Variants in COBLL1 observed in about 807,000 individuals in gnomAD.
COBLL1 encodes the protein cordon-bleu protein-like 1.
Under a neutral mutation model 94.8 loss-of-function variants are expected in COBLL1, and 50 were observed. The observed-to-expected ratio is 0.53, with a 90% CI of 0.42 to 0.67. The LOEUF is 0.67. Ranked by LOEUF, COBLL1 falls within the 30% of genes least tolerant of loss-of-function variation. The pLI is 0.00. For missense variants in COBLL1, 1,362 were observed against 1,348.7 expected (o/e 1.01, Z -0.15); for synonymous variants, 448 against 473.8 (o/e 0.95, Z 0.71).
In COBLL1 at chr2:164,680,241, G is replaced by T. The variant is rs1156910833; in HGVS notation, c.*5705C>A. The T allele has an allele frequency of 6.6e-6, 1 of 151,904 alleles. No homozygotes were observed. The highest frequency in any genetic ancestry group is 2.4e-5 in the African/African-American group (1 of 41,338). The allele number at this position is 151,904 out of a possible 1,614,324, so 9.4% of individuals were successfully genotyped here. A position where few individuals can be genotyped will look rare whatever the true frequency, so the allele number is the denominator to read the frequency against. ...ACTTTATTATAATTTCAAACATGCA[G>T]ACAAGTTAAAAATCATGTACAATAT... On this transcript the variant is annotated 3_prime_UTR_variant, in exon 14 of 14. Transcript: ENST00000652658.
At chr2:164,687,309 T>TC (rs1683350171) in intron 13 of COBLL1, 1 of 640,874 alleles carries the variant, frequency 1.6e-6, no homozygotes, top group East Asian at 2.7e-5. Flanking sequence ...CCGGCACTTG[T>TC]CCACAGGGCC....
chr2:164,728,144 TCTCA>T lies in COBLL1; in HGVS notation c.482_485del (p.Val161GlufsTer2). On this transcript the variant is annotated frameshift_variant, in exon 5 of 14. Transcript: ENST00000652658. LOFTEE classifies it high-confidence loss of function. The stretch of plus-strand genomic sequence containing the variant: ...CTTGAAGCGATGCATGTGGACTCAC[TCTCA>T]CTATGGTCTTCTGTGTTTTCTTAAA... 1 of 1,613,814 alleles carries T rather than the reference TCTCA, an allele frequency of 6.2e-7. No individual in the cohort carries two copies. The highest frequency in any genetic ancestry group is 8.5e-7 in the Non-Finnish European group (1 of 1,179,726).
chr2:164,800,314 T>C lies in COBLL1; in HGVS notation c.41+40842A>G, dbSNP rs149711654. Among the ~76,000 whole-genome samples, 510 of 152,272 alleles carry C rather than the reference T, an allele frequency of 3.3e-3. 1 individual carries two copies. Among genetic ancestry groups the C allele is most frequent in the Admixed American group, 5.8e-3 (89 of 15,296 alleles). ...GATATACAAATGGCAAATAAGCACA[T>C]GAAAAGCTTTTCAACATCAAGTGCC... is the stretch of plus-strand genomic sequence containing the variant. On this transcript the variant is annotated intron_variant, in intron 2 of 13. Transcript: ENST00000652658.
intron 2 of COBLL1, among the ~76,000 whole-genome samples, chr2:164,805,337 C>CTCTCTA (rs758137553): frequency 1.5e-3 from 26 of 17,054 alleles, no homozygotes; most frequent in South Asian, 2.4e-3. Flanking sequence ...CTCTCTCTCT[C>CTCTCTA]TATATATATA....
chr2:164,722,672 T>C, intron 5 of COBLL1, 150 bp from the exon 6 acceptor site: 2 of 413,324 alleles, frequency 4.8e-6, no homozygotes, highest in East Asian at 3.8e-5. Context: ...TCTTATTAAG[T>C]TCTCAAAGCA....
intron 2 of COBLL1, among the ~76,000 whole-genome samples, chr2:164,752,567 G>A (rs1299303898): frequency 6.6e-6 from 1 of 152,074 alleles, no homozygotes; most frequent in Admixed American, 6.6e-5. Context: ...ATTTAGTTGG[G>A]GTTTACAGAG....
At chr2:164,697,248 A>G (rs1336592480) in intron 11 of COBLL1, 1 of 152,160 alleles carries the variant, frequency 6.6e-6, no homozygotes, top group African/African-American at 2.4e-5. Flanking sequence ...AATGGAACTC[A>G]TTTTTATTCT....
At chr2:164,839,017 G>C (rs1334228143) in intron 2 of COBLL1, among the ~76,000 whole-genome samples, 1 of 152,132 alleles carries the variant, frequency 6.6e-6, no homozygotes, top group Admixed American at 6.5e-5. Flanking sequence ...CAGGCATTCG[G>C]AATATGCCAA....
intron 2 of COBLL1, among the ~76,000 whole-genome samples, chr2:164,762,913 G>T (rs889862610): frequency 6.6e-6 from 1 of 152,038 alleles, no homozygotes; most frequent in African/African-American, 2.4e-5. Flanking sequence ...AGCAAGGATG[G>T]TCTCTATCTC....
Position 164,841,071 on chromosome 2 carries a change from C to T in COBLL1, c.41+85G>A. The T allele has an allele frequency of 8.3e-7, 1 of 1,207,146 alleles. No homozygotes were observed. Among genetic ancestry groups the T allele is most frequent in the Non-Finnish European group, 1.0e-6 (1 of 966,536 alleles). The allele number at this position is 1,207,146 out of a possible 1,614,324, so 74.8% of individuals were successfully genotyped here. A position where few individuals can be genotyped will look rare whatever the true frequency, so the allele number is the denominator to read the frequency against. On this transcript the variant is annotated intron_variant, in intron 2 of 13. Transcript: ENST00000652658. This position sits in a 1 kb window ranked among gnomAD's most constrained non-coding sequence, Gnocchi z 5.5. ...AGGCCGCCGGCAGGGCAGCGAGTTG[C>T]CAGCCAGGTGAAACGGCCGAGGCCT...
Position 164,784,336 on chromosome 2 carries a change from G to T in COBLL1, c.42-40461C>A, listed in dbSNP as rs189242185. ...GTGCTTTTGTATATAATCCTAGGTC[G>T]TTTTATTATTCTATTTTTATATCTG... On this transcript the variant is annotated intron_variant, in intron 2 of 13. Coordinates refer to ENST00000652658, the MANE Select transcript of COBLL1 (RefSeq NM_001365672.2). Among the ~76,000 whole-genome samples, 7 of 152,190 alleles carry T rather than the reference G, an allele frequency of 4.6e-5. No individual in the cohort carries two copies. The East Asian group carries it at 1.4e-3, about 29-fold the overall frequency.
intron 2 of COBLL1, among the ~76,000 whole-genome samples, chr2:164,773,052 T>C (rs1574560329): frequency 6.6e-6 from 1 of 152,168 alleles, no homozygotes. Context: ...TGCAGGTAAA[T>C]TGACTAACTG....
downstream of COBLL1, among the ~76,000 whole-genome samples, chr2:164,679,879 T>C (rs1257144744): frequency 2.0e-5 from 3 of 152,020 alleles, no homozygotes; most frequent in East Asian, 3.9e-4. Flanking sequence ...GGCACATGTA[T>C]ACTGATGTAA....
At chr2:164,768,390 C>T (rs536895735) in intron 2 of COBLL1, among the ~76,000 whole-genome samples, 4 of 151,508 alleles carry the variant, frequency 2.6e-5, no homozygotes, top group African/African-American at 7.3e-5. Flanking sequence ...AACACAAATT[C>T]GTAAACTTTC....
intron 2 of COBLL1, among the ~76,000 whole-genome samples, chr2:164,753,444 C>T (rs1437736841): frequency 8.8e-6 from 1 of 114,200 alleles, no homozygotes; most frequent in Admixed American, 8.3e-5. Context: ...CTCCAAGGTG[C>T]ACAAACAAAA....
At position 164,841,777 on chromosome 2, in the gene COBLL1, C is replaced by A; in HGVS notation, c.-118G>T. On this transcript the variant is annotated 5_prime_UTR_variant, in exon 1 of 14. Coordinates refer to ENST00000652658, the MANE Select transcript of COBLL1 (RefSeq NM_001365672.2). This position sits in a 1 kb window ranked among gnomAD's most constrained non-coding sequence, Gnocchi z 5.5. ...CGGCTTCCTCTCCTACTCTTCCCTTCCCCGGCCCGCGCTCTTGCCGCTCGG... is the reference window on the plus strand; with the variant it reads ...CGGCTTCCTCTCCTACTCTTCCCTTACCCGGCCCGCGCTCTTGCCGCTCGG... 1.8e-6 allele frequency: 1 copy of A among 561,798 alleles called. No individual in the cohort carries two copies. The highest frequency in any genetic ancestry group is 3.1e-6 in the Non-Finnish European group (1 of 323,516). 34.8% of individuals were successfully genotyped at this position (561,798 alleles called of 1,614,324 possible).
rs1029383258 is a variant in COBLL1, at chr2:164,683,497, ATTATT to A, written c.*2444_*2448del. The A allele has an allele frequency of 1.3e-5, 2 of 152,112 alleles. No homozygotes were observed. The highest frequency in any genetic ancestry group is 4.8e-5 in the African/African-American group (2 of 41,442). The allele number at this position is 152,112 out of a possible 1,614,324, so 9.4% of individuals were successfully genotyped here. On this transcript the variant is annotated 3_prime_UTR_variant, in exon 14 of 14. Transcript: ENST00000652658. ...CTAAATCCTATGTGACCTTTAAAAC[ATTATT>A]TTATTATAATTATAAACTACAAGTA...
chr2:164,670,784 A>G (rs1691231460), intron 1 of COBLL1, among the ~76,000 whole-genome samples: 1 of 152,284 alleles, frequency 6.6e-6, no homozygotes, highest in Non-Finnish European at 1.5e-5. Flanking sequence ...GGAAGCAGAA[A>G]CCAAGGCTAG....
At chr2:164,759,587 C>T (rs1687583716) in intron 2 of COBLL1, among the ~76,000 whole-genome samples, 1 of 152,036 alleles carries the variant, frequency 6.6e-6, no homozygotes, top group African/African-American at 2.4e-5. Flanking sequence ...AAATTAAAAA[C>T]TTCTGTTCTG....
Sources: allele counts gnomAD v4.1 joint callset (sites outside exome capture counted in the v4.1 genomes callset), GRCh38; gene constraint gnomAD v4.1.1; non-coding constraint Gnocchi (gnomAD v3.1); transcripts MANE v1.5; gene names NCBI Gene and HGNC (gene_info 2026-07-23, HGNC 2026-07-21).